The following FAM161A variants were observed in gnomAD, a reference collection of about 807,000 sequenced individuals.
FAM161A encodes protein FAM161A.
FAM161A carries 57 observed loss-of-function variants against 70.9 expected under a neutral mutation model. That is an observed-to-expected ratio of 0.80 (90% CI 0.65 to 1.00). The LOEUF is 1.00. Ranked by LOEUF, FAM161A falls within the 50% of genes least tolerant of loss-of-function variation. FAM161A has a pLI of 0.00. For synonymous variants in FAM161A, 299 were observed against 295.7 expected (o/e 1.01, Z -0.12); for missense variants, 880 against 836.0 (o/e 1.05, Z -0.65).
At chr2:61,847,514 T>C (rs1180886551) in intron 1 of FAM161A, among the ~76,000 whole-genome samples, 1 of 152,164 alleles carries the variant, frequency 6.6e-6, no homozygotes, top group Non-Finnish European at 1.5e-5. Context: ...CTCAGGCCTG[T>C]AATCCCAGCA....
chr2:61,835,661 T>G lies in FAM161A; in HGVS notation c.1851+349A>C, dbSNP rs537393493. ...ACGAACTACTGGATTGGCATGTTAT[T>G]TATCAAACTTATGTGCTTCATCAAA... On this transcript the variant is annotated intron_variant, in intron 5 of 6. Coordinates refer to ENST00000404929, the MANE Select transcript of FAM161A (RefSeq NM_001201543.2). The G allele has an allele frequency of 6.9e-5, 13 of 187,150 alleles. No individual in the cohort carries two copies. The South Asian group carries it at 1.6e-3, about 23-fold the overall frequency. 11.6% of individuals were successfully genotyped at this position (187,150 alleles called of 1,614,324 possible).
chr2:61,810,977 C>A, the FAM161A span, among the ~76,000 whole-genome samples: 1 of 152,204 alleles, frequency 6.6e-6, no homozygotes, highest in Non-Finnish European at 1.5e-5. Flanking sequence ...TTCCCAAACC[C>A]ATTTCTTCCC....
intron 1 of FAM161A, among the ~76,000 whole-genome samples, chr2:61,844,813 AT>A (rs1301958052): frequency 6.6e-6 from 1 of 152,202 alleles, no homozygotes; most frequent in Non-Finnish European, 1.5e-5. Context: ...AGAACACCTG[AT>A]TCCTGCCCAC....
intron 1 of FAM161A, chr2:61,846,785 T>C: frequency 5.6e-6 from 2 of 357,178 alleles, no homozygotes; most frequent in Non-Finnish European, 1.1e-5. Flanking sequence ...TCTGACTGCT[T>C]CCTGTCGGCT....
the FAM161A span, among the ~76,000 whole-genome samples, chr2:61,811,530 C>A: frequency 6.6e-6 from 1 of 152,102 alleles, no homozygotes; most frequent in South Asian, 2.1e-4. Flanking sequence ...TGATCCACCA[C>A]GCCCTGCTAA....
At chr2:61,838,505 G>A in intron 4 of FAM161A, 33 bp downstream of exon 4, 1 of 1,558,082 alleles carries the variant, frequency 6.4e-7, no homozygotes, top group Non-Finnish European at 8.7e-7. Flanking sequence ...TTGAAAACCA[G>A]TGGTCTGGAG....
chr2:61,848,529 C>A (rs1673313638), intron 1 of FAM161A, among the ~76,000 whole-genome samples: 1 of 151,782 alleles, frequency 6.6e-6, no homozygotes, highest in African/African-American at 2.4e-5. Flanking sequence ...GTTGTAAATG[C>A]AGCCACCAGA....
chr2:61,824,291 G>C (rs999540496), downstream of FAM161A, among the ~76,000 whole-genome samples: 15 of 151,014 alleles, frequency 9.9e-5, no homozygotes, highest in Admixed American at 8.0e-4. Flanking sequence ...ACCCATCTCG[G>C]CCTCCCAAAG....
downstream of FAM161A, among the ~76,000 whole-genome samples, chr2:61,823,360 A>ATC (rs1672249051): frequency 8.3e-5 from 1 of 12,044 alleles, no homozygotes; most frequent in Non-Finnish European, 1.7e-4. Flanking sequence ...TAAATTTTCC[A>ATC]TCATATATAT....
the FAM161A span, among the ~76,000 whole-genome samples, chr2:61,809,334 C>T: frequency 6.6e-6 from 1 of 152,206 alleles, no homozygotes; most frequent in Non-Finnish European, 1.5e-5. Context: ...CTTCTTTCTA[C>T]ACACATTCCT....
At chr2:61,830,530 A>G (rs868327606) in intron 5 of FAM161A, among the ~76,000 whole-genome samples, 1 of 151,704 alleles carries the variant, frequency 6.6e-6, no homozygotes, top group African/African-American at 2.4e-5. Context: ...AAAATACAAA[A>G]AAAATTAGCC....
chr2:61,806,231 A>G, the FAM161A span, among the ~76,000 whole-genome samples: 2 of 152,184 alleles, frequency 1.3e-5, no homozygotes, highest in Non-Finnish European at 2.9e-5. Context: ...CTCAAAAAAA[A>G]AGAAAGAAAG....
In FAM161A at chr2:61,839,807, A is replaced by G; in HGVS notation, c.1197T>C (p.Pro399=). The G allele has an allele frequency of 1.2e-6, 2 of 1,614,134 alleles. No homozygotes were observed. The highest frequency in any genetic ancestry group is 4.5e-5 in the East Asian group (2 of 44,880). ...QEHLQNSSPL[P]CRSACGCRNP... is the part of the protein sequence containing the mutation. ...TCCTGCATCCACAAGCTGACCTACA[A>G]GGCAGAGGAGATGAGTTCTGTAAAT... is the stretch of plus-strand genomic sequence containing the variant. The change falls in exon 3 of 7, where the codon CCT becomes CCC. Residue 399 remains proline (P), a synonymous_variant. Transcript: ENST00000404929.
intron 5 of FAM161A, among the ~76,000 whole-genome samples, chr2:61,832,951 C>T (rs1272704748): frequency 6.6e-6 from 1 of 151,874 alleles, no homozygotes; most frequent in Non-Finnish European, 1.5e-5. Context: ...CTTGTGGGCT[C>T]CAGGGGAGGA....
Position 61,827,155 on chromosome 2 carries a change from A to C in FAM161A, c.1955T>G (p.Leu652Arg). 6.2e-7 allele frequency: 1 copy of C among 1,614,002 alleles called. No homozygotes were observed. Among genetic ancestry groups the C allele is most frequent in the Non-Finnish European group, 8.5e-7 (1 of 1,179,990 alleles). The change falls in exon 6 of 7, where the codon CTT (leucine) becomes CGT (arginine). Residue 652 changes from leucine (L) to arginine (R), a missense_variant. Coordinates refer to ENST00000404929, the MANE Select transcript of FAM161A (RefSeq NM_001201543.2). ...CGTCTCTTGATTGTTGAAGTACTCAAGTACTTTTCCACTTTGGCCTTTCTT... is the reference window on the plus strand; with the variant it reads ...CGTCTCTTGATTGTTGAAGTACTCACGTACTTTTCCACTTTGGCCTTTCTT... The part of the protein sequence containing the change: ...VSKKGQSGKV[L>R]EYFNNQETKS...
At chr2:61,853,652 G>C (rs1314707780) in intron 1 of FAM161A, among the ~76,000 whole-genome samples, 1 of 152,186 alleles carries the variant, frequency 6.6e-6, no homozygotes, top group Non-Finnish European at 1.5e-5. Flanking sequence ...CAACAGACTG[G>C]TGAAAATTAA....
intron 5 of FAM161A, among the ~76,000 whole-genome samples, chr2:61,834,594 T>C (rs1672703354): frequency 2.6e-5 from 4 of 151,872 alleles, no homozygotes; most frequent in African/African-American, 9.7e-5. Flanking sequence ...TCCCAAGTAG[T>C]TGGGACTACA....
chr2:61,822,171 C>T (rs1672215940), downstream of FAM161A, among the ~76,000 whole-genome samples: 6 of 151,952 alleles, frequency 3.9e-5, no homozygotes, highest in South Asian at 1.2e-3. Flanking sequence ...TGGCTCACAC[C>T]TGTAATCCTA....
the FAM161A span, among the ~76,000 whole-genome samples, chr2:61,816,254 C>T: frequency 5.9e-5 from 9 of 152,098 alleles, no homozygotes; most frequent in Non-Finnish European, 1.3e-4. Context: ...TGTGAACACA[C>T]TTTTTTCACT....
Sources: gnomAD v4.1 joint callset for allele counts (sites outside exome capture counted in the v4.1 genomes callset) on GRCh38, gnomAD v4.1.1 for gene constraint, MANE v1.5 for transcripts, NCBI Gene and HGNC (gene_info 2026-07-23, HGNC 2026-07-21) for gene names.